PTPRT: variants seen among roughly 807,000 people sequenced by gnomAD.
PTPRT encodes protein tyrosine phosphatase receptor type T, also known as receptor-type tyrosine-protein phosphatase T.
PTPRT carries 56 observed loss-of-function variants against 176.8 expected under a neutral mutation model. That is an observed-to-expected ratio of 0.32 (90% CI 0.26 to 0.40). The LOEUF (loss-of-function observed/expected upper bound fraction) is 0.40. Ranked by LOEUF, PTPRT falls within the 10% of genes least tolerant of loss-of-function variation. PTPRT has a pLI of 1.00. For synonymous variants in PTPRT, 783 were observed against 739.0 expected (o/e 1.06, Z -0.96); for missense variants, 1,540 against 1,908.2 (o/e 0.81, Z 3.60).
At chr20:42,317,607 C>T (rs2057738905) in intron 11 of PTPRT, among the ~76,000 whole-genome samples, 1 of 152,122 alleles carries the variant, frequency 6.6e-6, no homozygotes, top group South Asian at 2.1e-4. Context: ...AGGCTACCAT[C>T]CTTCAATCAG....
intron 7 of PTPRT, among the ~76,000 whole-genome samples, chr20:42,662,329 A>G (rs554738064): frequency 1.3e-4 from 20 of 152,240 alleles, no homozygotes. Flanking sequence ...CTAAGTTCTA[A>G]GCATTGTACT....
At chr20:42,059,904 A>G in the PTPRT span, among the ~76,000 whole-genome samples, 2 of 152,190 alleles carry the variant, frequency 1.3e-5, no homozygotes, top group African/African-American at 2.4e-5. Flanking sequence ...TGGGAAAGTC[A>G]TGGAGACTTT....
At chr20:43,141,401 G>A (rs1472803417) in intron 1 of PTPRT, among the ~76,000 whole-genome samples, 1 of 152,202 alleles carries the variant, frequency 6.6e-6, no homozygotes, top group Non-Finnish European at 1.5e-5. Flanking sequence ...CAGCTGGGGT[G>A]ACTGGGGCAA....
intron 1 of PTPRT, among the ~76,000 whole-genome samples, chr20:43,156,702 T>C (rs1181723475): frequency 1.3e-5 from 2 of 152,188 alleles, no homozygotes; most frequent in Admixed American, 6.5e-5. Flanking sequence ...AAAGCCTACA[T>C]ACTCTTTATA....
At chr20:43,177,294 AAG>A (rs1232342371) in intron 1 of PTPRT, among the ~76,000 whole-genome samples, 4 of 152,246 alleles carry the variant, frequency 2.6e-5, no homozygotes, top group African/African-American at 9.6e-5. Flanking sequence ...CATATAGTGA[AAG>A]ATGGCTGGGA....
chr20:42,282,319 C>T (rs1214526920), intron 13 of PTPRT, among the ~76,000 whole-genome samples, 170 bp downstream of exon 13: 1 of 152,096 alleles, frequency 6.6e-6, no homozygotes, highest in East Asian at 1.9e-4. Context: ...ACGCACTGTG[C>T]TACTAATATA....
At chr20:43,016,552 C>CTTTTTTTTTTTTTTTTTTTTTTT (rs11482189) in intron 1 of PTPRT, among the ~76,000 whole-genome samples, 1 of 76,220 alleles carries the variant, frequency 1.3e-5, no homozygotes. Context: ...TCTAAGGCCA[C>CTTTTTTTTTTTTTTTTTTTTTTT]TTTTTTTTTT....
At chr20:42,707,816 A>C (rs1423453651) in intron 6 of PTPRT, among the ~76,000 whole-genome samples, 1 of 152,192 alleles carries the variant, frequency 6.6e-6, no homozygotes, top group Non-Finnish European at 1.5e-5. Context: ...AGCTTGAAGC[A>C]GATTTTTATC....
At chr20:42,471,719 G>A (rs1268561066) in intron 8 of PTPRT, among the ~76,000 whole-genome samples, 3 of 151,908 alleles carry the variant, frequency 2.0e-5, no homozygotes, top group East Asian at 1.9e-4. Context: ...GCAATGGTGC[G>A]ATCTCGGCTC....
chr20:42,386,528 C>T (rs865797483), intron 9 of PTPRT, among the ~76,000 whole-genome samples: 37 of 152,208 alleles, frequency 2.4e-4, no homozygotes, highest in African/African-American at 8.4e-4. Flanking sequence ...GAAGAGGGAC[C>T]TTTCATTTTT....
At chr20:43,044,093 C>T (rs942190141) in intron 1 of PTPRT, among the ~76,000 whole-genome samples, 1 of 152,024 alleles carries the variant, frequency 6.6e-6, no homozygotes, top group Non-Finnish European at 1.5e-5. Context: ...GGAGCAGGAC[C>T]CTGGAGAGCA....
At chr20:42,909,862 A>G (rs957461431) in intron 1 of PTPRT, among the ~76,000 whole-genome samples, 2 of 152,192 alleles carry the variant, frequency 1.3e-5, no homozygotes, top group East Asian at 1.9e-4. Context: ...GCCAGAAAAC[A>G]CTGCTATTGT....
rs147649727 is a variant in PTPRT at position 42,950,034 on chromosome 20, C to T, written c.89-64102G>A. On this transcript the variant is annotated intron_variant, in intron 1 of 30. Transcript: ENST00000373187. ...ATGTTCTGTGAGTCCTAGAACTAACCGTGTCTTTGGGACTCTGTGGCAGCA... is the reference window on the plus strand; with the variant it reads ...ATGTTCTGTGAGTCCTAGAACTAACTGTGTCTTTGGGACTCTGTGGCAGCA... 3.4e-3 allele frequency among the ~76,000 whole-genome samples: 525 copies of T among 152,280 alleles called. 5 individuals carry two copies. The highest frequency in any genetic ancestry group is 0.011 in the African/African-American group (439 of 41,550).
intron 6 of PTPRT, among the ~76,000 whole-genome samples, chr20:42,731,122 G>A (rs898365506): frequency 6.6e-6 from 1 of 152,180 alleles, no homozygotes; most frequent in African/African-American, 2.4e-5. Context: ...AAAAGGTGAA[G>A]CAAGAACATC....
At chr20:42,523,422 T>A (rs1433046579) in intron 7 of PTPRT, among the ~76,000 whole-genome samples, 1 of 152,216 alleles carries the variant, frequency 6.6e-6, no homozygotes, top group Non-Finnish European at 1.5e-5. Flanking sequence ...GACAACCTGA[T>A]TGTCAATAGT....
At chr20:42,682,199 T>G (rs2146084215) in intron 6 of PTPRT, among the ~76,000 whole-genome samples, 1 of 152,368 alleles carries the variant, frequency 6.6e-6, no homozygotes, top group Middle Eastern at 3.4e-3. Flanking sequence ...TTTCTGTATC[T>G]TAACTGGGGT....
At chr20:42,931,705 T>G (rs577618279) in intron 1 of PTPRT, among the ~76,000 whole-genome samples, 1 of 152,160 alleles carries the variant, frequency 6.6e-6, no homozygotes, top group Non-Finnish European at 1.5e-5. Context: ...CCGCATCAGA[T>G]GGGAGTTAGA....
chr20:42,053,902 TGGAGAGGAAGAG>T, the PTPRT span, among the ~76,000 whole-genome samples: 5 of 152,174 alleles, frequency 3.3e-5, no homozygotes, highest in African/African-American at 1.2e-4. Flanking sequence ...ACGAAGGTGC[TGGAGAGGAAGAG>T]GGGTCTATCT....
intron 13 of PTPRT, among the ~76,000 whole-genome samples, chr20:42,280,683 T>C (rs932767679): frequency 6.6e-6 from 1 of 152,174 alleles, no homozygotes; most frequent in African/African-American, 2.4e-5. Context: ...AACTCTTCTG[T>C]CTGGTTCTTT....
Sources: allele counts gnomAD v4.1 joint callset (sites outside exome capture counted in the v4.1 genomes callset), GRCh38; gene constraint gnomAD v4.1.1; transcripts MANE v1.5; gene names NCBI Gene and HGNC (gene_info 2026-07-23, HGNC 2026-07-21).